VTI1A: variants seen among roughly 807,000 people sequenced by gnomAD.
VTI1A encodes the protein vesicle transport through interaction with t-SNAREs homolog 1A.
In VTI1A, 22 loss-of-function variants were observed where a neutral mutation model predicts 34.9. That is an observed-to-expected ratio of 0.63 (90% CI 0.45 to 0.90). VTI1A has a LOEUF of 0.90. Ranked by LOEUF, VTI1A falls within the 40% of genes least tolerant of loss-of-function variation. The pLI is 0.00. For synonymous variants in VTI1A, 87 were observed against 97.3 expected (o/e 0.89, Z 0.62); for missense variants, 268 against 275.6 (o/e 0.97, Z 0.20).
intron 5 of VTI1A, among the ~76,000 whole-genome samples, chr10:112,618,518 TATATATAG>T (rs1199493730): frequency 4.2e-5 from 2 of 47,478 alleles, no homozygotes; most frequent in Non-Finnish European, 6.7e-5. Flanking sequence ...TATATATATA[TATATATAG>T]AGAGAGAGAG....
At chr10:112,575,303 T>C (rs1457912259) in intron 5 of VTI1A, among the ~76,000 whole-genome samples, 2 of 152,258 alleles carry the variant, frequency 1.3e-5, no homozygotes, top group Non-Finnish European at 2.9e-5. Flanking sequence ...TGTGTTCCTG[T>C]AGTTCGTTTT....
chr10:112,774,522 C>A (rs1223168908), intron 7 of VTI1A, among the ~76,000 whole-genome samples: 1 of 152,158 alleles, frequency 6.6e-6, no homozygotes, highest in African/African-American at 2.4e-5. Context: ...AAAGCCAAGT[C>A]AGGCTTAGGC....
the VTI1A span, among the ~76,000 whole-genome samples, chr10:112,837,905 A>G: frequency 1.3e-5 from 2 of 152,198 alleles, no homozygotes; most frequent in African/African-American, 4.8e-5. Flanking sequence ...GGGAGGGAGT[A>G]CCCAGCTCAA....
chr10:112,455,423 CCTTCCCTT>C (rs1225042609), intron 1 of VTI1A, among the ~76,000 whole-genome samples: 70 of 794 alleles, frequency 0.088, 7 homozygotes, highest in African/African-American at 0.13. Flanking sequence ...CCCCCTTCCC[CCTTCCCTT>C]CTTCCCTCCT....
chr10:112,755,760 A>G lies in VTI1A; in HGVS notation c.561-59530A>G, dbSNP rs572392516. Among the ~76,000 whole-genome samples the G allele has an allele frequency of 2.6e-5, 4 of 152,338 alleles. No homozygotes were observed. In the South Asian group the frequency reaches 6.2e-4, roughly 24 times the overall value. ...ATAATAAACATACTTGTGTGTATAT[A>G]TATAAAAAATGTTAATTTCGTCTGG... On this transcript the variant is annotated intron_variant, in intron 7 of 7. Coordinates refer to ENST00000393077, the MANE Select transcript of VTI1A (RefSeq NM_145206.4).
chr10:112,529,179 C>T (rs1210680999), intron 4 of VTI1A, among the ~76,000 whole-genome samples: 1 of 152,094 alleles, frequency 6.6e-6, no homozygotes, highest in African/African-American at 2.4e-5. Flanking sequence ...AGAATATGTA[C>T]TGTTAGATTA....
rs566987702 is a variant in VTI1A, at chr10:112,664,420, T to C, written c.428-3798T>C. On this transcript the variant is annotated intron_variant, in intron 5 of 7. Coordinates refer to ENST00000393077, the MANE Select transcript of VTI1A (RefSeq NM_145206.4). ...TAAAAAAAAGAGTTCATGTTAGTCC[T>C]ATGTTAGACTTATACTGTTGTTCAG... 5.9e-5 allele frequency among the ~76,000 whole-genome samples: 9 copies of C among 152,316 alleles called. No homozygotes were observed. The South Asian group carries it at 1.9e-3, about 32-fold the overall frequency.
chr10:112,779,310 A>G (rs1164130202), intron 7 of VTI1A, among the ~76,000 whole-genome samples: 1 of 152,248 alleles, frequency 6.6e-6, no homozygotes, highest in Non-Finnish European at 1.5e-5. Flanking sequence ...TAAGAAGTCA[A>G]AGGAAGTGGT....
chr10:112,487,752 T>C lies in VTI1A; in HGVS notation c.264+23095T>C, dbSNP rs537668458. Reference sequence around the variant, plus strand: ...AGTCTTTCTGGCTGATGCCATCCCCTCTACTTTATATATCTTTTATAATAT... The same window carrying C: ...AGTCTTTCTGGCTGATGCCATCCCCCCTACTTTATATATCTTTTATAATAT... On this transcript the variant is annotated intron_variant, in intron 3 of 7. Transcript: ENST00000393077. 8.5e-5 allele frequency among the ~76,000 whole-genome samples: 13 copies of C among 152,298 alleles called. No homozygotes were observed. The South Asian group carries it at 2.7e-3, about 32-fold the overall frequency.
intron 3 of VTI1A, among the ~76,000 whole-genome samples, chr10:112,478,445 A>G (rs186696238): frequency 1.1e-4 from 17 of 152,318 alleles, no homozygotes; most frequent in South Asian, 4.1e-4. Flanking sequence ...GCTATAATTA[A>G]AGAGGTTAGA....
At chr10:112,747,503 A>T (rs1363839486) in intron 7 of VTI1A, among the ~76,000 whole-genome samples, 2 of 152,236 alleles carry the variant, frequency 1.3e-5, no homozygotes, top group African/African-American at 4.8e-5. Flanking sequence ...ATAAACATAG[A>T]AAAGTTACAG....
At chr10:112,531,061 C>CA (rs1554896983) in intron 4 of VTI1A, among the ~76,000 whole-genome samples, 11 of 90,320 alleles carry the variant, frequency 1.2e-4, no homozygotes, top group African/African-American at 4.1e-4. Flanking sequence ...ACGTGACACA[C>CA]CTCACACACA....
intron 7 of VTI1A, among the ~76,000 whole-genome samples, chr10:112,788,655 A>G (rs1213001998): frequency 6.6e-6 from 1 of 152,132 alleles, no homozygotes; most frequent in African/African-American, 2.4e-5. Flanking sequence ...GTCCATTAAC[A>G]TTTAACATGT....
intron 1 of VTI1A, chr10:112,449,543 C>G (rs1177950428): frequency 6.6e-6 from 1 of 152,206 alleles, no homozygotes; most frequent in Non-Finnish European, 1.5e-5. Context: ...CACCTGAGGT[C>G]GGGAGTTTGA....
At chr10:112,741,511 T>C (rs1850694528) in intron 7 of VTI1A, among the ~76,000 whole-genome samples, 1 of 152,148 alleles carries the variant, frequency 6.6e-6, no homozygotes, top group Non-Finnish European at 1.5e-5. Context: ...CTTCTAAAAT[T>C]GATATTGATG....
chr10:112,512,761 T>C (rs1320411338), intron 3 of VTI1A, among the ~76,000 whole-genome samples: 2 of 152,176 alleles, frequency 1.3e-5, no homozygotes, highest in Non-Finnish European at 2.9e-5. Flanking sequence ...CTTCTACATA[T>C]GGATAGCTGA....
Position 112,538,264 on chromosome 10 carries a change from AAC to A in VTI1A, c.365_366del (p.Thr122ArgfsTer32), listed in dbSNP as rs1850726161. The A allele has an allele frequency of 1.1e-5, 17 of 1,613,572 alleles. No homozygotes were observed. The highest frequency in any genetic ancestry group is 1.4e-5 in the Non-Finnish European group (17 of 1,179,772). ...TTTTCAGAGGGCACATCTGCTCGATAACACAGAGAGGCTGGAAAGGTCATCTC... is the reference window on the plus strand; with the variant it reads ...TTTTCAGAGGGCACATCTGCTCGATAACAGAGAGGCTGGAAAGGTCATCTC... ...SENQRAHLLD[N>X]TERLERSSRR... On this transcript the variant is annotated frameshift_variant, in exon 5 of 8. Coordinates refer to ENST00000393077, the MANE Select transcript of VTI1A (RefSeq NM_145206.4). LOFTEE classifies it high-confidence loss of function.
intron 3 of VTI1A, among the ~76,000 whole-genome samples, chr10:112,497,149 G>C (rs73363101): frequency 0.011 from 1,607 of 151,892 alleles, 27 homozygotes; most frequent in African/African-American, 0.03. Flanking sequence ...GAAACCTCAT[G>C]TTTAATAAAA....
At chr10:112,578,109 C>T (rs1404270214) in intron 5 of VTI1A, among the ~76,000 whole-genome samples, 2 of 152,104 alleles carry the variant, frequency 1.3e-5, no homozygotes, top group Non-Finnish European at 2.9e-5. Flanking sequence ...CTTTAGGAGA[C>T]GAATCTGGCC....
Sources: allele counts gnomAD v4.1 joint callset (sites outside exome capture counted in the v4.1 genomes callset), GRCh38; gene constraint gnomAD v4.1.1; transcripts MANE v1.5; gene names NCBI Gene and HGNC (gene_info 2026-07-23, HGNC 2026-07-21).